GALNTL6: variants seen among roughly 807,000 people sequenced by gnomAD.
GALNTL6 encodes the protein polypeptide N-acetylgalactosaminyltransferase like 6, also known as polypeptide N-acetylgalactosaminyltransferase-like 6.
A neutral mutation model predicts 73.7 loss-of-function variants in GALNTL6; 46 were observed. The observed-to-expected ratio is 0.62, with a 90% CI of 0.49 to 0.80. The LOEUF is 0.80. Ranked by LOEUF, GALNTL6 falls within the 30% of genes least tolerant of loss-of-function variation. The pLI is 0.00. For missense variants in GALNTL6, 604 were observed against 755.0 expected (o/e 0.80, Z 2.34); for synonymous variants, 259 against 263.7 (o/e 0.98, Z 0.17).
At chr4:172,780,531 A>G (rs1739317907) in intron 5 of GALNTL6, among the ~76,000 whole-genome samples, 1 of 152,232 alleles carries the variant, frequency 6.6e-6, no homozygotes, top group African/African-American at 2.4e-5. Context: ...AATTAAACAA[A>G]TGGAATTTGG....
chr4:171,856,078 C>G (rs1005570349), intron 2 of GALNTL6, among the ~76,000 whole-genome samples: 3 of 151,852 alleles, frequency 2.0e-5, no homozygotes, highest in South Asian at 4.1e-4. Flanking sequence ...GAATATATTT[C>G]ACAGAACAGA....
intron 5 of GALNTL6, among the ~76,000 whole-genome samples, chr4:172,645,477 A>T (rs1039787365): frequency 2.0e-4 from 31 of 151,884 alleles, no homozygotes; most frequent in Admixed American, 2.0e-3. Flanking sequence ...TTGCAGTGGC[A>T]CTTGTTTTAG....
intron 5 of GALNTL6, among the ~76,000 whole-genome samples, chr4:172,501,783 T>C (rs1183888546): frequency 1.3e-5 from 2 of 152,124 alleles, no homozygotes; most frequent in Non-Finnish European, 2.9e-5. Flanking sequence ...TTAAACTATC[T>C]TCCCAAAATA....
intron 5 of GALNTL6, among the ~76,000 whole-genome samples, chr4:172,679,499 G>A (rs1205153538): frequency 2.6e-5 from 4 of 151,658 alleles, no homozygotes; most frequent in African/African-American, 4.8e-5. Context: ...CCAATTTCTG[G>A]TCTAAAACAT....
chr4:172,728,710 T>C (rs1396585530), intron 5 of GALNTL6, among the ~76,000 whole-genome samples: 1 of 152,204 alleles, frequency 6.6e-6, no homozygotes, highest in African/African-American at 2.4e-5. Flanking sequence ...CTCTTTGATA[T>C]ACTGATTACC....
intron 2 of GALNTL6, among the ~76,000 whole-genome samples, chr4:172,132,388 A>G (rs1455221838): frequency 2.0e-5 from 3 of 152,140 alleles, no homozygotes; most frequent in Non-Finnish European, 2.9e-5. Context: ...TTTTGTTTCT[A>G]TCACCAAAAA....
intron 2 of GALNTL6, among the ~76,000 whole-genome samples, chr4:171,960,346 G>A (rs575658001): frequency 2.6e-5 from 4 of 151,844 alleles, no homozygotes; most frequent in African/African-American, 7.3e-5. Flanking sequence ...GCATGATCTC[G>A]GCTCACTGCA....
chr4:172,448,231 A>C (rs1286782083), intron 5 of GALNTL6, among the ~76,000 whole-genome samples: 2 of 152,184 alleles, frequency 1.3e-5, no homozygotes, highest in East Asian at 3.8e-4. Context: ...TGTGAGTGAC[A>C]AAGTCCAGAA....
intron 5 of GALNTL6, among the ~76,000 whole-genome samples, chr4:172,409,708 T>C (rs991660648): frequency 1.3e-5 from 2 of 152,164 alleles, no homozygotes; most frequent in African/African-American, 4.8e-5. Context: ...TTTCCTGATG[T>C]TGGTATTTAA....
intron 5 of GALNTL6, among the ~76,000 whole-genome samples, chr4:172,699,124 G>A (rs1733866936): frequency 6.6e-6 from 1 of 151,940 alleles, no homozygotes; most frequent in Non-Finnish European, 1.5e-5. Context: ...AAGCTCTCTG[G>A]GGACTCCTTC....
chr4:171,903,293 G>T lies in GALNTL6; in HGVS notation c.138+88575G>T, dbSNP rs376899833. On this transcript the variant is annotated intron_variant, in intron 2 of 12. Coordinates refer to ENST00000506823, the MANE Select transcript of GALNTL6 (RefSeq NM_001034845.3). ...GCAGGTCAGTGGGTGCGCGCACCGT[G>T]CGCGAGCTGAAGCAGGGCGAGGCAT... Among the ~76,000 whole-genome samples the T allele has an allele frequency of 1.8e-3, 269 of 152,058 alleles. 1 individual carries two copies. The highest frequency in any genetic ancestry group is 6.0e-3 in the African/African-American group (248 of 41,406).
In GALNTL6 at chr4:172,071,020, C is replaced by T. The variant is rs1330304137; in HGVS notation, c.139-158636C>T. On this transcript the variant is annotated intron_variant, in intron 2 of 12. Transcript: ENST00000506823. ...TTATTTAATCACAGAAGGTTTTACA[C>T]ATGTAATACATTTTGAAAACAATTG... Among the ~76,000 whole-genome samples the T allele has an allele frequency of 3.6e-5, 4 of 109,890 alleles. 1 individual carries two copies. Among genetic ancestry groups the T allele is most frequent in the Non-Finnish European group, 6.1e-5 (3 of 49,468 alleles). 72.1% of individuals were successfully genotyped at this position (109,890 alleles called of 152,430 possible).
chr4:171,897,124 A>G (rs1164214080), intron 2 of GALNTL6, among the ~76,000 whole-genome samples: 3 of 152,124 alleles, frequency 2.0e-5, no homozygotes, highest in Non-Finnish European at 4.4e-5. Context: ...GTTAGAGACA[A>G]AAGAAAAAAT....
At position 172,454,904 on chromosome 4, in the gene GALNTL6, T is replaced by C. The variant is rs560503549; in HGVS notation, c.553+106215T>C. 3.3e-5 allele frequency among the ~76,000 whole-genome samples: 5 copies of C among 152,152 alleles called. No homozygotes were observed. The East Asian group carries it at 5.8e-4, about 18-fold the overall frequency. On this transcript the variant is annotated intron_variant, in intron 5 of 12. Coordinates refer to ENST00000506823, the MANE Select transcript of GALNTL6 (RefSeq NM_001034845.3). ...TCATGCAGGCATTTTTTTTTAAAGA[T>C]TTTTTTTCAGTGCCTGGCAAGATGG... is the stretch of plus-strand genomic sequence containing the variant.
intron 5 of GALNTL6, among the ~76,000 whole-genome samples, chr4:172,379,854 A>G (rs1217193315): frequency 6.6e-6 from 1 of 152,110 alleles, no homozygotes; most frequent in Non-Finnish European, 1.5e-5. Context: ...ACTTTTTGAC[A>G]GTGAATCAGA....
intron 2 of GALNTL6, among the ~76,000 whole-genome samples, chr4:171,950,699 C>T (rs1276547729): frequency 6.6e-6 from 1 of 151,888 alleles, no homozygotes; most frequent in African/African-American, 2.4e-5. Flanking sequence ...AGGCTGGTCT[C>T]GATCCCCTGA....
chr4:172,171,391 A>G (rs767536367), intron 2 of GALNTL6, among the ~76,000 whole-genome samples: 4 of 152,194 alleles, frequency 2.6e-5, no homozygotes, highest in Non-Finnish European at 5.9e-5. Flanking sequence ...CGTGACATAA[A>G]CTGGGAGGGA....
chr4:172,747,044 T>C (rs1371028833), intron 5 of GALNTL6, among the ~76,000 whole-genome samples: 1 of 151,978 alleles, frequency 6.6e-6, no homozygotes, highest in African/African-American at 2.4e-5. Flanking sequence ...CTAACAACAA[T>C]CTGTCAAAGA....
At chr4:172,664,907 CT>C (rs1409775597) in intron 5 of GALNTL6, among the ~76,000 whole-genome samples, 1 of 152,148 alleles carries the variant, frequency 6.6e-6, no homozygotes, top group African/African-American at 2.4e-5. Context: ...AGACAACAAC[CT>C]GATTGTGTAA....
Sources: allele counts gnomAD v4.1 joint callset (sites outside exome capture counted in the v4.1 genomes callset), GRCh38; gene constraint gnomAD v4.1.1; transcripts MANE v1.5; gene names NCBI Gene and HGNC (gene_info 2026-07-23, HGNC 2026-07-21).